The following YBEY variants were observed in gnomAD, a reference collection of about 807,000 sequenced individuals.
YBEY encodes ybeY metalloendoribonuclease.
YBEY carries 15 observed loss-of-function variants against 13.5 expected under a neutral mutation model. The observed-to-expected ratio is 1.11, with a 90% confidence interval of 0.75 to 1.72. YBEY has a LOEUF of 1.72. Among genes scored for constraint, YBEY ranks in the 40% most tolerant of loss-of-function variants. The pLI, the probability that YBEY is intolerant of heterozygous loss-of-function variation, is 0.00. For synonymous variants in YBEY, 101 were observed against 83.1 expected (o/e 1.21, Z -1.17); for missense variants, 244 against 208.4 (o/e 1.17, Z -1.05).
chr21:46,301,757 G>A, downstream of YBEY: 1 of 1,223,148 alleles, frequency 8.2e-7, no homozygotes, highest in East Asian at 3.2e-5. Context: ...TTGCCCTGGT[G>A]GGGTTCACAG....
At chr21:46,286,487 C>T (rs2081435182) in intron 1 of YBEY, 72 bp downstream of exon 1, 1 of 167,322 alleles carries the variant, frequency 6.0e-6, no homozygotes, top group South Asian at 1.4e-4. Context: ...GCGGGCGCCC[C>T]AGACCCCAGA....
chr21:46,303,664 A>T, the YBEY span, among the ~76,000 whole-genome samples: 1 of 129,530 alleles, frequency 7.7e-6, no homozygotes, highest in African/African-American at 2.8e-5. Context: ...CAGTCATAGC[A>T]AGACCTCATC....
At chr21:46,311,654 TCCAA>T in the YBEY span, 81 of 668,984 alleles carry the variant, frequency 1.2e-4, no homozygotes, top group Middle Eastern at 4.6e-4. Context: ...CACCCACCCA[TCCAA>T]CCAACCAACC....
chr21:46,303,706 A>ATATAT, the YBEY span, among the ~76,000 whole-genome samples: 6 of 25,750 alleles, frequency 2.3e-4, no homozygotes, highest in East Asian at 5.2e-3. Flanking sequence ...ACACACACAC[A>ATATAT]AAATATATAT....
chr21:46,294,386 G>A (rs1244364454), intron 3 of YBEY, among the ~76,000 whole-genome samples: 14 of 80,972 alleles, frequency 1.7e-4, no homozygotes, highest in South Asian at 5.0e-4. Context: ...CCGTGCCCGG[G>A]ACTCAGTGGG....
rs1367670105 is a variant in YBEY at position 46,286,854 on chromosome 21, T to TA, written c.-44-15dup. 7 of 1,545,398 alleles carry TA rather than the reference T, an allele frequency of 4.5e-6. No homozygotes were observed. In the African/African-American group the frequency reaches 5.5e-5, roughly 12 times the overall value. On this transcript the variant is annotated splice_polypyrimidine_tract_variant and intron_variant, in intron 1 of 4. Transcript: ENST00000397701. ...TCACTTGTACTGATTGGTCTTCTCT[T>TA]ACACTTTAACCCCAGGTTCCGTTGC...
chr21:46,286,741 A>T, intron 1 of YBEY, 129 bp from the exon 2 acceptor site: 1 of 624,140 alleles, frequency 1.6e-6, no homozygotes, highest in Non-Finnish European at 2.7e-6. Flanking sequence ...CCTTGTGGTA[A>T]ATGTAAATTC....
At chr21:46,302,011 AGGCGTCCACAGGCTGGGGGCGG>A (rs772765255), downstream of YBEY, 1 of 1,531,442 alleles carries the variant, frequency 6.5e-7, no homozygotes, top group Non-Finnish European at 8.8e-7. Context: ...AGGGTGGGCC[AGGCGTCCACAGGCTGGGGGCGG>A]GCTGGAGGAC....
At chr21:46,301,885 T>C, downstream of YBEY, 1 of 1,335,034 alleles carries the variant, frequency 7.5e-7, no homozygotes, top group Non-Finnish European at 9.6e-7. Context: ...GCGTAGCCAC[T>C]CCGGGTGGTG....
At chr21:46,300,896 A>G, downstream of YBEY, 1 of 961,210 alleles carries the variant, frequency 1.0e-6, no homozygotes, top group Non-Finnish European at 1.4e-6. Context: ...AAAAGTAACA[A>G]AAAGTAAAGA....
At chr21:46,298,433 G>GTTTTTTTTTTTT (rs1569107101), downstream of YBEY, among the ~76,000 whole-genome samples, 1 of 67,238 alleles carries the variant, frequency 1.5e-5, no homozygotes. Flanking sequence ...TTTAATCCAA[G>GTTTTTTTTTTTT]CTTTTTTTTT....
downstream of YBEY, chr21:46,302,181 G>T: frequency 6.9e-7 from 1 of 1,451,272 alleles, no homozygotes; most frequent in Non-Finnish European, 9.1e-7. Flanking sequence ...TGCTGCTTAG[G>T]ACGCAGCCCA....
At chr21:46,307,592 G>C in the YBEY span, among the ~76,000 whole-genome samples, 1 of 152,132 alleles carries the variant, frequency 6.6e-6, no homozygotes, top group Non-Finnish European at 1.5e-5. Context: ...GCCACTCCAG[G>C]GGCTCCTCAT....
chr21:46,302,185 C>A (rs1385428591), downstream of YBEY: 3 of 1,445,648 alleles, frequency 2.1e-6, no homozygotes, highest in East Asian at 7.7e-5. Context: ...GCTTAGGACG[C>A]AGCCCAGGCT....
At position 46,296,209 on chromosome 21, in the gene YBEY, C is replaced by T. The variant is rs1447395276; in HGVS notation, c.387C>T (p.Gly129=). Residue 129 remains glycine, a synonymous_variant, in exon 4 of 5, where the codon GGC becomes GGT. Transcript: ENST00000397701. ...GTCACTTGCTGGGATTCACACACGG[C>T]ACGGAGGCAGAGTGGCAGCAGGTAA... ...GLCHLLGFTH[G]TEAEWQQMFQ... is the part of the protein sequence containing the mutation. 1.3e-5 allele frequency: 21 copies of T among 1,613,800 alleles called. No individual in the cohort carries two copies. The highest frequency in any genetic ancestry group is 1.8e-5 in the Non-Finnish European group (21 of 1,180,016).
chr21:46,311,282 T>A, the YBEY span, among the ~76,000 whole-genome samples: 1 of 152,200 alleles, frequency 6.6e-6, no homozygotes, highest in South Asian at 2.1e-4. Flanking sequence ...TTCTTATACC[T>A]CTTGTTTCCT....
the YBEY span, among the ~76,000 whole-genome samples, chr21:46,308,152 C>T: frequency 1.3e-5 from 2 of 152,042 alleles, no homozygotes; most frequent in Admixed American, 1.3e-4. Flanking sequence ...TGCCACCGCA[C>T]CTGCTGATTT....
chr21:46,297,194 G>A (rs893017409), intron 4 of YBEY, among the ~76,000 whole-genome samples: 1 of 152,168 alleles, frequency 6.6e-6, no homozygotes, highest in Non-Finnish European at 1.5e-5. Flanking sequence ...AGCTACAGGG[G>A]AGGCTGAGGC....
At chr21:46,298,434 C>CTTTTTTTGTTTTTGTTTTTT (rs1555922544), downstream of YBEY, among the ~76,000 whole-genome samples, 2 of 97,160 alleles carry the variant, frequency 2.1e-5, no homozygotes, top group African/African-American at 7.2e-5. Context: ...TTAATCCAAG[C>CTTTTTTTGTTTTTGTTTTTT]TTTTTTTTTT....
Sources: allele counts gnomAD v4.1 joint callset (sites outside exome capture counted in the v4.1 genomes callset), GRCh38; gene constraint gnomAD v4.1.1; transcripts MANE v1.5; gene names NCBI Gene and HGNC (gene_info 2026-07-23, HGNC 2026-07-21).